Variants in ZNF844 observed in about 807,000 individuals in gnomAD.
ZNF844 encodes zinc finger protein 844.
A neutral mutation model predicts 11.4 loss-of-function variants in ZNF844; 11 were observed. The ratio of observed to expected loss-of-function variants is 0.97; its 90% CI spans 0.61 to 1.60. The LOEUF is 1.60. Ranked by LOEUF, ZNF844 falls within the 40% of genes most tolerant of loss-of-function variation. The probability of loss-of-function intolerance (pLI) is 0.00; values close to 1 mark genes in which losing one functional copy is unlikely to be tolerated. For synonymous variants in ZNF844, 248 were observed against 260.3 expected (o/e 0.95, Z 0.46); for missense variants, 790 against 796.8 (o/e 0.99, Z 0.10).
rs570245362 is a variant in ZNF844, at chr19:12,077,007, C to T, written c.1887C>T (p.Cys629=). ...AGCGTTCAATTATTTTTCTTCTTTG[C>T]GTATACACAAAAGGATGCACACTGG... is the stretch of plus-strand genomic sequence containing the variant. ...AEKRSIIFLL[C]VYTKGCTLER... Residue 629 remains cysteine, a synonymous_variant, in exon 4 of 4, where the codon TGC becomes TGT. Coordinates refer to ENST00000439326, the MANE Select transcript of ZNF844 (RefSeq NM_001136501.3). 31 of 1,596,578 alleles carry T rather than the reference C, an allele frequency of 1.9e-5. No homozygotes were observed. In the Middle Eastern group the frequency reaches 6.6e-4, roughly 34 times the overall value.
At position 12,080,622 on chromosome 19, in the gene ZNF844, G is replaced by C. The variant is rs1048100790; in HGVS notation, c.*3501G>C. The C allele has an allele frequency of 6.3e-6, 1 of 159,642 alleles. No homozygotes were observed. Among genetic ancestry groups the C allele is most frequent in the African/African-American group, 2.4e-5 (1 of 41,538 alleles). 9.9% of individuals were successfully genotyped at this position (159,642 alleles called of 1,614,324 possible). A position where few individuals can be genotyped will look rare whatever the true frequency, so the allele number is the denominator to read the frequency against. ...CAGAGGTGTGGGCCTTTGGGTAAAG[G>C]TGTCTTCAGAAGCTCCACATTAAAG... On this transcript the variant is annotated 3_prime_UTR_variant, in exon 4 of 4. Transcript: ENST00000439326.
At chr19:12,073,591 A>G (rs1301278877) in intron 1 of ZNF844, among the ~76,000 whole-genome samples, 4 of 151,984 alleles carry the variant, frequency 2.6e-5, no homozygotes, top group Admixed American at 6.6e-5. Context: ...TGCTGCTTCA[A>G]TCAGAATAAA....
At chr19:12,072,431 A>G (rs1343420318) in intron 1 of ZNF844, among the ~76,000 whole-genome samples, 1 of 144,986 alleles carries the variant, frequency 6.9e-6, no homozygotes, top group Non-Finnish European at 1.5e-5. Flanking sequence ...CTGGAAGAAA[A>G]TTTTTTTTTT....
intron 1 of ZNF844, 50 bp downstream of exon 1, chr19:12,064,926 G>A (rs1975671036): frequency 1.3e-6 from 2 of 1,546,344 alleles, no homozygotes; most frequent in Non-Finnish European, 1.7e-6. Context: ...GAGGGTAGGC[G>A]GAGGCTGGTT....
At position 12,077,296 on chromosome 19, in the gene ZNF844, A is replaced by G. The variant is rs1568361789; in HGVS notation, c.*175A>G. 9.2e-6 allele frequency: 11 copies of G among 1,190,366 alleles called. No homozygotes were observed. Among genetic ancestry groups the G allele is most frequent in the Non-Finnish European group, 1.3e-5 (10 of 798,656 alleles). 73.7% of individuals were successfully genotyped at this position (1,190,366 alleles called of 1,614,324 possible). A position where few individuals can be genotyped will look rare whatever the true frequency, so the allele number is the denominator to read the frequency against. Reference sequence around the variant, plus strand: ...AGGACTCACACTGGAGAGAAACCCTATGAGTGTAAGCAATGTGGAAAAGCC... The same window carrying G: ...AGGACTCACACTGGAGAGAAACCCTGTGAGTGTAAGCAATGTGGAAAAGCC... On this transcript the variant is annotated 3_prime_UTR_variant, in exon 4 of 4. Transcript: ENST00000439326.
chr19:12,065,356 A>T (rs1975676587), intron 1 of ZNF844, among the ~76,000 whole-genome samples: 1 of 151,990 alleles, frequency 6.6e-6, no homozygotes, highest in Non-Finnish European at 1.5e-5. Context: ...GTGACAGCGG[A>T]TAAATGTTTT....
chr19:12,066,081 G>A (rs1975684219), intron 1 of ZNF844, among the ~76,000 whole-genome samples: 2 of 151,828 alleles, frequency 1.3e-5, no homozygotes, highest in African/African-American at 4.8e-5. Context: ...GACTACAGGC[G>A]CAGGCGGCTA....
intron 1 of ZNF844, among the ~76,000 whole-genome samples, chr19:12,069,344 G>A (rs532108300): frequency 5.2e-4 from 78 of 151,232 alleles, no homozygotes; most frequent in Non-Finnish European, 8.4e-4. Context: ...CACCATGCCC[G>A]GCTAATTTTT....
In ZNF844 at chr19:12,076,333, G is replaced by T; in HGVS notation, c.1213G>T (p.Val405Phe). ...STVVKPSIVPVPFTIMKGLTL... is the reference protein window; with the variant it reads ...STVVKPSIVPFPFTIMKGLTL... ...TGTGGTAAAGCCTTCAATCGTTCCA[G>T]TTCCTTTCACTATCATGAAAGGACT... Residue 405 changes from valine (V) to phenylalanine (F), a missense_variant, in exon 4 of 4, where the codon GTT (valine) becomes TTT (phenylalanine). Val to Phe is a conservative substitution (Grantham distance 50). This residue lies in a region of ZNF844 where 657 missense variants were observed against 636.2 expected (regional missense o/e 1.03). Coordinates refer to ENST00000439326, the MANE Select transcript of ZNF844 (RefSeq NM_001136501.3). The T allele has an allele frequency of 6.2e-7, 1 of 1,613,122 alleles. No individual in the cohort carries two copies. Among genetic ancestry groups the T allele is most frequent in the African/African-American group, 1.3e-5 (1 of 74,818 alleles).
rs1450110338 is a variant in ZNF844, at chr19:12,081,468, A to G, written c.*4347A>G. The G allele has an allele frequency of 6.6e-6, 1 of 152,242 alleles. No individual in the cohort carries two copies. Among genetic ancestry groups the G allele is most frequent in the Non-Finnish European group, 1.5e-5 (1 of 68,046 alleles). 9.4% of individuals were successfully genotyped at this position (152,242 alleles called of 1,614,324 possible). Reference sequence around the variant, plus strand: ...ACCAAGATTTCTGTACATGTGTCATAGAAATAGTTGAACTTTTCCACAACT... The same window carrying G: ...ACCAAGATTTCTGTACATGTGTCATGGAAATAGTTGAACTTTTCCACAACT... On this transcript the variant is annotated 3_prime_UTR_variant, in exon 4 of 4. Coordinates refer to ENST00000439326, the MANE Select transcript of ZNF844 (RefSeq NM_001136501.3).
intron 1 of ZNF844, among the ~76,000 whole-genome samples, chr19:12,067,931 A>G (rs796490157): frequency 6.0e-4 from 34 of 56,244 alleles, no homozygotes; most frequent in Middle Eastern, 8.1e-3. Context: ...AAAGAAAGAA[A>G]GAAAGAAAGA....
At chr19:12,067,480 A>G (rs974248885) in intron 1 of ZNF844, among the ~76,000 whole-genome samples, 3 of 150,400 alleles carry the variant, frequency 2.0e-5, no homozygotes, top group Non-Finnish European at 4.4e-5. Flanking sequence ...ATGGTGGTGC[A>G]TCTATAATCC....
rs754340768 is a variant in ZNF844 at position 12,075,484 on chromosome 19, A to C, written c.364A>C (p.Ile122Leu). The C allele has an allele frequency of 5.6e-6, 9 of 1,613,508 alleles. 1 individual carries two copies. The change falls in exon 4 of 4, where the codon ATT becomes CTT. Residue 122 changes from isoleucine (I) to leucine (L), a missense_variant. Transcript: ENST00000439326. Reference sequence around the variant, plus strand: ...GGGTCATTCTTCCCTTAATAGGCACATTAGAGCTGACACTGCACACAAGCC... The same window carrying C: ...GGGTCATTCTTCCCTTAATAGGCACCTTAGAGCTGACACTGCACACAAGCC... ...FVGHSSLNRHIRADTAHKPSE... is the reference protein window; with the variant it reads ...FVGHSSLNRHLRADTAHKPSE...
chr19:12,067,943 A>AGAAAGAAGGAAGGAAG (rs1555717778), intron 1 of ZNF844, among the ~76,000 whole-genome samples: 1 of 79,356 alleles, frequency 1.3e-5, no homozygotes, highest in East Asian at 2.7e-4. Context: ...AAAGAAAGAA[A>AGAAAGAAGGAAGGAAG]GAAGGAAAGA....
At position 12,077,661 on chromosome 19, in the gene ZNF844, A is replaced by T; in HGVS notation, c.*540A>T. 3.8e-6 allele frequency: 2 copies of T among 524,822 alleles called. No individual in the cohort carries two copies. Among genetic ancestry groups the T allele is most frequent in the Admixed American group, 4.3e-5 (2 of 46,020 alleles). The allele number at this position is 524,822 out of a possible 1,614,324, so 32.5% of individuals were successfully genotyped here. On this transcript the variant is annotated 3_prime_UTR_variant, in exon 4 of 4. Coordinates refer to ENST00000439326, the MANE Select transcript of ZNF844 (RefSeq NM_001136501.3). ...ATGTAAGCAATGTGGGAAAGCCTACAGATCTGTCTCACAACTTCTGGTGCA... is the reference window on the plus strand; with the variant it reads ...ATGTAAGCAATGTGGGAAAGCCTACTGATCTGTCTCACAACTTCTGGTGCA...
chr19:12,074,243 A>G (rs1975783277), intron 2 of ZNF844, 86 bp downstream of exon 2: 5 of 1,579,726 alleles, frequency 3.2e-6, no homozygotes, highest in Admixed American at 1.8e-5. Context: ...GAATATGGAC[A>G]GGCAATACTT....
Position 12,077,657 on chromosome 19 carries a change from C to T in ZNF844, c.*536C>T. 3.8e-6 allele frequency: 2 copies of T among 529,524 alleles called. No individual in the cohort carries two copies. Among genetic ancestry groups the T allele is most frequent in the Non-Finnish European group, 7.5e-6 (2 of 265,620 alleles). 32.8% of individuals were successfully genotyped at this position (529,524 alleles called of 1,614,324 possible). A position where few individuals can be genotyped will look rare whatever the true frequency, so the allele number is the denominator to read the frequency against. Reference sequence around the variant, plus strand: ...ATGAATGTAAGCAATGTGGGAAAGCCTACAGATCTGTCTCACAACTTCTGG... The same window carrying T: ...ATGAATGTAAGCAATGTGGGAAAGCTTACAGATCTGTCTCACAACTTCTGG... On this transcript the variant is annotated 3_prime_UTR_variant, in exon 4 of 4. Transcript: ENST00000439326.
chr19:12,071,883 C>CTTTTTTTTTTTTTTTTT (rs533482850), intron 1 of ZNF844, among the ~76,000 whole-genome samples: 1 of 139,252 alleles, frequency 7.2e-6, no homozygotes. Flanking sequence ...AATTTTTTTT[C>CTTTTTTTTTTTTTTTTT]TTTTTTTTTT....
chr19:12,067,704 C>T (rs1975705318), intron 1 of ZNF844, among the ~76,000 whole-genome samples: 1 of 147,988 alleles, frequency 6.8e-6, no homozygotes, highest in South Asian at 2.1e-4. Flanking sequence ...ATCACGAGGT[C>T]AGGAGATTGA....
Sources: allele counts gnomAD v4.1 joint callset (sites outside exome capture counted in the v4.1 genomes callset), GRCh38; gene constraint gnomAD v4.1.1; regional missense constraint gnomAD v4.1.1; transcripts MANE v1.5; gene names NCBI Gene and HGNC (gene_info 2026-07-23, HGNC 2026-07-21).